COL11A2: variants seen among roughly 807,000 people sequenced by gnomAD.
COL11A2 encodes collagen alpha-2(XI) chain.
Under a neutral mutation model 273.4 loss-of-function variants are expected in COL11A2, and 116 were observed. That is an observed-to-expected ratio of 0.42 (90% CI 0.36 to 0.49). COL11A2 has a LOEUF of 0.49. Among genes scored for constraint, COL11A2 ranks in the 20% least tolerant of loss-of-function variants. The pLI, the probability that COL11A2 is intolerant of heterozygous loss-of-function variation, is 0.00. For missense variants in COL11A2, 1,866 were observed against 2,309.0 expected (o/e 0.81, Z 3.93); for synonymous variants, 782 against 864.2 (o/e 0.90, Z 1.67).
Position 33,165,452 on chromosome 6 carries a change from C to G in COL11A2, c.4750+97G>C. ...CCAGCCCCTCAGCCCTCACCCTTAA[C>G]CCAACACCTTCACCAAGACTCCCCC... is the stretch of plus-strand genomic sequence containing the variant. On this transcript the variant is annotated intron_variant, in intron 63 of 65. Coordinates refer to ENST00000341947, the MANE Select transcript of COL11A2 (RefSeq NM_080680.3). The surrounding 1 kb of genome is among the most constrained non-coding windows in gnomAD (Gnocchi z 7.7). The G allele has an allele frequency of 1.9e-6, 3 of 1,578,074 alleles. No individual in the cohort carries two copies. The highest frequency in any genetic ancestry group is 2.6e-6 in the Non-Finnish European group (3 of 1,161,592).
At chr6:33,172,676 T>C in intron 38 of COL11A2, 39 bp from the exon 39 acceptor site, 1 of 1,570,976 alleles carries the variant, frequency 6.4e-7, no homozygotes, top group South Asian at 1.1e-5. Flanking sequence ...CTCAGGCCCT[T>C]CATCTCGCTG....
chr6:33,164,364 G>C lies in COL11A2; in HGVS notation c.4973C>G (p.Ala1658Gly), dbSNP rs1562301766. ...HQDVSYPCSG[A>G]ARDGPLRLRG... ...GAGTCTCAGGGGACCGTCACGGGCT[G>C]CTCCAGAGCAGGGGTAGGAGACGTC... Residue 1658 changes from alanine (A) to glycine (G), a missense_variant, in exon 65 of 66, where the codon GCA becomes GGA. Physicochemically the swap from Ala to Gly is moderately conservative, Grantham distance 60 (BLOSUM62 0). Coordinates refer to ENST00000341947, the MANE Select transcript of COL11A2 (RefSeq NM_080680.3). The surrounding 1 kb of genome is among the most constrained non-coding windows in gnomAD (Gnocchi z 4.7). 3 of 1,612,514 alleles carry C rather than the reference G, an allele frequency of 1.9e-6. No homozygotes were observed. Among genetic ancestry groups the C allele is most frequent in the Non-Finnish European group, 2.5e-6 (3 of 1,179,782 alleles).
chr6:33,186,879 G>T, intron 4 of COL11A2, 61 bp from the exon 5 acceptor site: 1 of 1,607,562 alleles, frequency 6.2e-7, no homozygotes, highest in Non-Finnish European at 8.5e-7. Context: ...GGTATCATCC[G>T]GGAGAAAGAG....
chr6:33,170,707 C>T lies in COL11A2; in HGVS notation c.3475-97G>A, dbSNP rs923688931. The stretch of plus-strand genomic sequence containing the variant: ...CACAGTCCCCTCCCCTCAGACTCCG[C>T]AGGCCCTCCAGTCTGCATCGGCAGG... On this transcript the variant is annotated intron_variant, in intron 46 of 65. Coordinates refer to ENST00000341947, the MANE Select transcript of COL11A2 (RefSeq NM_080680.3). The surrounding 1 kb of genome is among the most constrained non-coding windows in gnomAD (Gnocchi z 4.3). 1 of 1,586,128 alleles carries T rather than the reference C, an allele frequency of 6.3e-7. No individual in the cohort carries two copies. Among genetic ancestry groups the T allele is most frequent in the Non-Finnish European group, 8.7e-7 (1 of 1,155,678 alleles).
rs1202698746 is a variant in COL11A2 at position 33,188,964 on chromosome 6, G to A, written c.443+14C>T. 5.0e-6 allele frequency: 8 copies of A among 1,613,840 alleles called. No individual in the cohort carries two copies. Among genetic ancestry groups the A allele is most frequent in the Non-Finnish European group, 6.8e-6 (8 of 1,179,836 alleles). The stretch of plus-strand genomic sequence containing the variant: ...AGTGTGGGCCAGGCAGACCAGAGGA[G>A]CAAACAAACTTACTTGCCATCTGCT... On this transcript the variant is annotated intron_variant, in intron 3 of 65. Coordinates refer to ENST00000341947, the MANE Select transcript of COL11A2 (RefSeq NM_080680.3).
chr6:33,168,579 A>T lies in COL11A2; in HGVS notation c.3907-7T>A. 1 of 1,613,392 alleles carries T rather than the reference A, an allele frequency of 6.2e-7. No individual in the cohort carries two copies. Among genetic ancestry groups the T allele is most frequent in the South Asian group, 1.1e-5 (1 of 91,028 alleles). On this transcript the variant is annotated splice_polypyrimidine_tract_variant and splice_region_variant and intron_variant, in intron 53 of 65. Coordinates refer to ENST00000341947, the MANE Select transcript of COL11A2 (RefSeq NM_080680.3). ...CGGTGGGACCAGGGGATCCCTAGGG[A>T]GAGAGGAATTGGGGTGGCTGAGTGT...
Position 33,164,528 on chromosome 6 carries a change from A to AGG in COL11A2, c.4864-57_4864-56dup. On this transcript the variant is annotated intron_variant, in intron 64 of 65. Coordinates refer to ENST00000341947, the MANE Select transcript of COL11A2 (RefSeq NM_080680.3). This position sits in a 1 kb window ranked among gnomAD's most constrained non-coding sequence, Gnocchi z 4.7. ...GGGGGAGAGAGAGGGCTGGCCTCAG[A>AGG]GGGAGACAGAGACGGGCCTCAGGAG... 7.1e-7 allele frequency: 1 copy of AGG among 1,411,438 alleles called. No homozygotes were observed. Among genetic ancestry groups the AGG allele is most frequent in the South Asian group, 1.4e-5 (1 of 71,692 alleles). 87.4% of individuals were successfully genotyped at this position (1,411,438 alleles called of 1,614,324 possible).
chr6:33,175,068 A>C (rs1770703450), intron 30 of COL11A2, among the ~76,000 whole-genome samples: 1 of 152,220 alleles, frequency 6.6e-6, no homozygotes, highest in African/African-American at 2.4e-5. Flanking sequence ...CTGAAGCCAG[A>C]CTGCCTGGGC....
rs942291006 is a variant in COL11A2, at chr6:33,166,958, T to TG, written c.4230+111dup. On this transcript the variant is annotated intron_variant, in intron 58 of 65. Coordinates refer to ENST00000341947, the MANE Select transcript of COL11A2 (RefSeq NM_080680.3). The surrounding 1 kb of genome is among the most constrained non-coding windows in gnomAD (Gnocchi z 4.8). Reference sequence around the variant, plus strand: ...TGGCCCTCACTGAGCAGGGACTCCCTGGGACTGGCTGCCGGAGGCCTGAAG... The same window carrying TG: ...TGGCCCTCACTGAGCAGGGACTCCCTGGGGACTGGCTGCCGGAGGCCTGAAG... 1 of 1,537,408 alleles carries TG rather than the reference T, an allele frequency of 6.5e-7. No homozygotes were observed. The highest frequency in any genetic ancestry group is 1.4e-5 in the African/African-American group (1 of 73,278).
Position 33,165,892 on chromosome 6 carries a change from G to C in COL11A2, c.4482+39C>G. The C allele has an allele frequency of 1.2e-6, 2 of 1,613,734 alleles. No homozygotes were observed. Among genetic ancestry groups the C allele is most frequent in the Middle Eastern group, 3.3e-4 (2 of 6,062 alleles). ...TGAAGTGTGGCAGCAGTGGAGCAGAGGGGTACGGCCCTGGGAGCAGCCCTG... is the reference window on the plus strand; with the variant it reads ...TGAAGTGTGGCAGCAGTGGAGCAGACGGGTACGGCCCTGGGAGCAGCCCTG... On this transcript the variant is annotated intron_variant, in intron 62 of 65. Transcript: ENST00000341947. This position sits in a 1 kb window ranked among gnomAD's most constrained non-coding sequence, Gnocchi z 7.7.
rs553386615 is a variant in COL11A2 at position 33,178,137 on chromosome 6, G to T, written c.1867C>A (p.Pro623Thr). ...GPKGPPGIPG[P>T]PGVRGMDGPQ... ...GAAGTCAGGGAGTCACTTACAGGGGGTCCAGGAATACCAGGTGGGCCTTTG... is the reference window on the plus strand; with the variant it reads ...GAAGTCAGGGAGTCACTTACAGGGGTTCCAGGAATACCAGGTGGGCCTTTG... The change falls in exon 21 of 66, where the codon CCC (proline) becomes ACC (threonine). Residue 623 changes from proline to threonine, a missense_variant. Physicochemically the swap from Pro to Thr is conservative, Grantham distance 38. Coordinates refer to ENST00000341947, the MANE Select transcript of COL11A2 (RefSeq NM_080680.3). This position sits in a 1 kb window ranked among gnomAD's most constrained non-coding sequence, Gnocchi z 4.6. The T allele has an allele frequency of 1.9e-6, 3 of 1,609,204 alleles. No individual in the cohort carries two copies. Among genetic ancestry groups the T allele is most frequent in the Non-Finnish European group, 2.5e-6 (3 of 1,177,706 alleles).
Position 33,171,723 on chromosome 6 carries a change from T to A in COL11A2, c.3140A>T (p.Lys1047Ile). 2 of 1,612,844 alleles carry A rather than the reference T, an allele frequency of 1.2e-6. No homozygotes were observed. The highest frequency in any genetic ancestry group is 1.7e-6 in the Non-Finnish European group (2 of 1,179,922). Reference sequence around the variant, plus strand: ...TACCCCCACACTCACTGGGACACCTTTCTCTCCTGCTGCTCCAGGGGGACC... The same window carrying A: ...TACCCCCACACTCACTGGGACACCTATCTCTCCTGCTGCTCCAGGGGGACC... The part of the protein sequence containing the change: ...PQGPPGAAGE[K>I]GVPGEKGPIG... The change falls in exon 42 of 66, where the codon AAA (lysine) becomes ATA (isoleucine). Residue 1047 changes from lysine to isoleucine, a missense_variant. Lys to Ile is a moderately radical substitution (Grantham distance 102). Coordinates refer to ENST00000341947, the MANE Select transcript of COL11A2 (RefSeq NM_080680.3).
Position 33,175,570 on chromosome 6 carries a change from T to C in COL11A2, c.2376+4A>G. ...ACCCAGGCACAGAACCCTCATCCCA[T>C]CACCTTCTCGCCCATGAGCCCTGGG... On this transcript the variant is annotated splice_donor_region_variant and intron_variant, in intron 30 of 65. Transcript: ENST00000341947. 4 of 1,612,250 alleles carry C rather than the reference T, an allele frequency of 2.5e-6. No homozygotes were observed. Among genetic ancestry groups the C allele is most frequent in the Non-Finnish European group, 3.4e-6 (4 of 1,179,588 alleles).
intron 43 of COL11A2, 22 bp downstream of exon 43, chr6:33,171,445 G>A (rs755518331): frequency 8.7e-6 from 14 of 1,611,144 alleles, no homozygotes; most frequent in South Asian, 6.6e-5. Flanking sequence ...AAGATTGGTC[G>A]GGGTCTGTGG....
chr6:33,189,580 G>T lies in COL11A2; in HGVS notation c.83-111C>A. 3.6e-6 allele frequency: 5 copies of T among 1,404,758 alleles called. No homozygotes were observed. Among genetic ancestry groups the T allele is most frequent in the Middle Eastern group, 1.8e-4 (1 of 5,660 alleles). 87.0% of individuals were successfully genotyped at this position (1,404,758 alleles called of 1,614,324 possible). ...TCCAGGGCTCAAACTCCCTGCAAGG[G>T]AAAGGTCACCTCACCCTCACTTGCT... On this transcript the variant is annotated intron_variant, in intron 1 of 65. Transcript: ENST00000341947. This position sits in a 1 kb window ranked among gnomAD's most constrained non-coding sequence, Gnocchi z 5.6.
In COL11A2 at chr6:33,169,318, C is replaced by T; in HGVS notation, c.3798+65G>A. ...CTCCAAGATCCTCCCTCACACACAC[C>T]CATATTCCCAGGTCTGTCATTCACA... is the stretch of plus-strand genomic sequence containing the variant. On this transcript the variant is annotated intron_variant, in intron 51 of 65. Coordinates refer to ENST00000341947, the MANE Select transcript of COL11A2 (RefSeq NM_080680.3). This position sits in a 1 kb window ranked among gnomAD's most constrained non-coding sequence, Gnocchi z 5.5. 1.4e-6 allele frequency: 2 copies of T among 1,425,920 alleles called. No homozygotes were observed. Among genetic ancestry groups the T allele is most frequent in the Non-Finnish European group, 9.8e-7 (1 of 1,020,532 alleles). The allele number at this position is 1,425,920 out of a possible 1,614,324, so 88.3% of individuals were successfully genotyped here.
At chr6:33,186,909 G>A in intron 4 of COL11A2, 91 bp from the exon 5 acceptor site, 12 of 1,561,122 alleles carry the variant, frequency 7.7e-6, no homozygotes, top group Non-Finnish European at 1.1e-5. Flanking sequence ...CCAATCCTAG[G>A]TAAAACCCTA....
chr6:33,169,366 C>T lies in COL11A2; in HGVS notation c.3798+17G>A, dbSNP rs1332201997. The T allele has an allele frequency of 6.2e-7, 1 of 1,606,570 alleles. No homozygotes were observed. ...ACAGGGCCTGAGAGGACTCAGCCCC[C>T]ACTGCCCCAAACTCACAGGGTTCCC... On this transcript the variant is annotated intron_variant, in intron 51 of 65. Coordinates refer to ENST00000341947, the MANE Select transcript of COL11A2 (RefSeq NM_080680.3). The surrounding 1 kb of genome is among the most constrained non-coding windows in gnomAD (Gnocchi z 5.5).
chr6:33,180,067 T>C (rs966071312), intron 12 of COL11A2, among the ~76,000 whole-genome samples, 191 bp downstream of exon 12: 3 of 152,340 alleles, frequency 2.0e-5, no homozygotes, highest in Admixed American at 6.5e-5. Context: ...CCTAGAAGAC[T>C]GGTGTTTTGT....
Sources: allele counts gnomAD v4.1 joint callset (sites outside exome capture counted in the v4.1 genomes callset), GRCh38; gene constraint gnomAD v4.1.1; non-coding constraint Gnocchi (gnomAD v3.1); transcripts MANE v1.5; gene names NCBI Gene and HGNC (gene_info 2026-07-23, HGNC 2026-07-21).